MAPK8: variants seen among roughly 807,000 people sequenced by gnomAD.
The protein encoded by MAPK8 is JUN N-terminal kinase.
In MAPK8, 13 loss-of-function variants were observed where a neutral mutation model predicts 52.9. The observed-to-expected ratio is 0.25, with a 90% CI of 0.16 to 0.39. MAPK8 has a LOEUF of 0.39. Among genes scored for constraint, MAPK8 ranks in the 10% least tolerant of loss-of-function variants. The probability of loss-of-function intolerance (pLI) is 1.00; values close to 1 mark genes in which losing one functional copy is unlikely to be tolerated. For missense variants in MAPK8, 300 were observed against 519.2 expected, an observed-to-expected ratio of 0.58 and a Z score of 4.10; for synonymous variants, 191 against 169.8, an observed-to-expected ratio of 1.12 and a Z score of -0.97.
intron 1 of MAPK8, among the ~76,000 whole-genome samples, chr10:48,383,155 T>C (rs1317746952): frequency 6.6e-6 from 1 of 151,938 alleles, no homozygotes; most frequent in African/African-American, 2.4e-5. Context: ...CAATAAGCCT[T>C]AAGAAAAATT....
chr10:48,379,049 A>T (rs1336343251), intron 1 of MAPK8, among the ~76,000 whole-genome samples: 1 of 152,244 alleles, frequency 6.6e-6, no homozygotes, highest in Non-Finnish European at 1.5e-5. Context: ...GGTCATATAG[A>T]CTAGTTGGCT....
At chr10:48,375,136 A>T (rs2040574622) in intron 1 of MAPK8, among the ~76,000 whole-genome samples, 1 of 152,214 alleles carries the variant, frequency 6.6e-6, no homozygotes, top group Admixed American at 6.5e-5. Context: ...CAATGACAAA[A>T]ACCACATGAT....
rs368181019 is a variant in MAPK8, at chr10:48,383,722, A to G, written c.-49-17890A>G. On this transcript the variant is annotated intron_variant, in intron 1 of 11. Coordinates refer to ENST00000374189, the MANE Select transcript of MAPK8 (RefSeq NM_001323329.2). ...AAAAAGTTGTTAGATCTGTATTTTT[A>G]TAATCTCAGTAGTTTCATTCTCATT... Among the ~76,000 whole-genome samples the G allele has an allele frequency of 1.4e-4, 21 of 152,180 alleles. No homozygotes were observed. In the South Asian group the frequency reaches 4.1e-3, roughly 30 times the overall value.
intron 5 of MAPK8, among the ~76,000 whole-genome samples, chr10:48,413,815 T>TTATATATTTA (rs2042894163): frequency 2.1e-5 from 1 of 48,378 alleles, no homozygotes; most frequent in Non-Finnish European, 4.4e-5. Context: ...GCCAGAATTG[T>TTATATATTTA]TATATATATA....
At chr10:48,429,117 C>T (rs1447521334) in intron 10 of MAPK8, among the ~76,000 whole-genome samples, 5 of 151,718 alleles carry the variant, frequency 3.3e-5, no homozygotes, top group African/African-American at 1.2e-4. Context: ...GCCACTGCGC[C>T]CAGCCTAATT....
At chr10:48,366,783 A>T (rs1881736) in intron 1 of MAPK8, among the ~76,000 whole-genome samples, 2,317 of 151,904 alleles carry the variant, frequency 0.015, 59 homozygotes, top group African/African-American at 0.052. Flanking sequence ...GGGTTGAAAA[A>T]TTTTTTTTCT....
intron 1 of MAPK8, among the ~76,000 whole-genome samples, chr10:48,364,759 A>T (rs1463013017): frequency 6.6e-6 from 1 of 152,198 alleles, no homozygotes; most frequent in Non-Finnish European, 1.5e-5. Flanking sequence ...CATTTGTAAT[A>T]TCAACTAGTT....
intron 1 of MAPK8, among the ~76,000 whole-genome samples, chr10:48,363,205 C>G (rs555717465): frequency 6.6e-6 from 1 of 152,328 alleles, no homozygotes; most frequent in South Asian, 2.1e-4. Flanking sequence ...ATTTTGCCTT[C>G]AGTCCCACAT....
intron 3 of MAPK8, 125 bp downstream of exon 3, chr10:48,405,106 G>T (rs1589211645): frequency 1.3e-5 from 3 of 234,072 alleles, no homozygotes; most frequent in Non-Finnish European, 8.1e-6. Context: ...GTTTAAAAGG[G>T]ATATATATAT....
chr10:48,335,637 C>T (rs1223942376), intron 1 of MAPK8, among the ~76,000 whole-genome samples: 1 of 152,118 alleles, frequency 6.6e-6, no homozygotes, highest in Non-Finnish European at 1.5e-5. Context: ...CATACCCTAG[C>T]CCAAATAACA....
intron 1 of MAPK8, among the ~76,000 whole-genome samples, chr10:48,349,198 G>A (rs891740259): frequency 1.3e-5 from 2 of 152,120 alleles, no homozygotes; most frequent in African/African-American, 2.4e-5. Context: ...ATACCCAACT[G>A]TCAATATCAG....
At chr10:48,400,619 A>G (rs1047573364) in intron 1 of MAPK8, among the ~76,000 whole-genome samples, 3 of 152,194 alleles carry the variant, frequency 2.0e-5, no homozygotes, top group Non-Finnish European at 4.4e-5. Context: ...CTAGTAGGCA[A>G]TTAATATCTG....
In MAPK8 at chr10:48,324,054, C is replaced by A. The variant is rs544445991; in HGVS notation, c.-50+17233C>A. Among the ~76,000 whole-genome samples the A allele has an allele frequency of 5.9e-5, 9 of 152,310 alleles. No homozygotes were observed. In the South Asian group the frequency reaches 1.9e-3, roughly 32 times the overall value. ...CCCAACTGAAGAATGTTCAGACATA[C>A]ACATTGAAAGAATATTACGGTAAAC... On this transcript the variant is annotated intron_variant, in intron 1 of 11. Transcript: ENST00000374189.
intron 1 of MAPK8, among the ~76,000 whole-genome samples, chr10:48,321,001 G>A (rs915811453): frequency 1.5e-4 from 22 of 151,402 alleles, no homozygotes; most frequent in Non-Finnish European, 2.6e-4. Flanking sequence ...TGTGCTTCTT[G>A]GCCACTTTTA....
intron 1 of MAPK8, among the ~76,000 whole-genome samples, chr10:48,320,211 CTTTTTT>C (rs71026206): frequency 1.7e-4 from 6 of 35,320 alleles, no homozygotes; most frequent in African/African-American, 3.6e-4. Context: ...ACTGCTCGGC[CTTTTTT>C]TTTTTTTTTT....
intron 1 of MAPK8, 110 bp from the exon 2 acceptor site, chr10:48,401,502 T>C: frequency 1.6e-6 from 1 of 606,786 alleles, no homozygotes; most frequent in Non-Finnish European, 2.8e-6. Context: ...AGCAGCTCTT[T>C]TCATGATCTA....
At chr10:48,324,503 G>GTTTTTT (rs370766776) in intron 1 of MAPK8, among the ~76,000 whole-genome samples, 5 of 118,016 alleles carry the variant, frequency 4.2e-5, no homozygotes, top group African/African-American at 7.1e-5. Context: ...CTGTTTTCTA[G>GTTTTTT]TTTTTTTTTT....
intron 1 of MAPK8, among the ~76,000 whole-genome samples, chr10:48,326,626 CTA>C (rs1345744058): frequency 6.6e-6 from 1 of 152,066 alleles, no homozygotes; most frequent in Non-Finnish European, 1.5e-5. Context: ...ATCTGTATAT[CTA>C]TGTGTCTAGA....
chr10:48,415,474 A>G (rs1390719110), intron 5 of MAPK8, among the ~76,000 whole-genome samples: 1 of 152,222 alleles, frequency 6.6e-6, no homozygotes, highest in East Asian at 1.9e-4. Context: ...TTATGGTAAT[A>G]TGTTAATCGG....
Sources: gnomAD v4.1 joint callset for allele counts (sites outside exome capture counted in the v4.1 genomes callset) on GRCh38, gnomAD v4.1.1 for gene constraint, MANE v1.5 for transcripts, NCBI Gene and HGNC (gene_info 2026-07-23, HGNC 2026-07-21) for gene names.